NEK6: variants seen among roughly 807,000 people sequenced by gnomAD.
NEK6 encodes the protein NIMA related kinase 6.
NEK6 carries 27 observed loss-of-function variants against 43.5 expected under a neutral mutation model. The observed-to-expected ratio is 0.62, with a 90% CI of 0.46 to 0.86. The LOEUF (loss-of-function observed/expected upper bound fraction) is 0.86, where lower values mean the gene tolerates loss of function less well. Among genes scored for constraint, NEK6 ranks in the 40% least tolerant of loss-of-function variants. The probability of loss-of-function intolerance (pLI) is 0.00; values close to 1 mark genes in which losing one functional copy is unlikely to be tolerated. For missense variants in NEK6, 318 were observed against 414.4 expected (o/e 0.77, Z 2.02); for synonymous variants, 167 against 164.1 (o/e 1.02, Z -0.14).
chr9:124,346,519 A>G (rs1251539771), intron 8 of NEK6, among the ~76,000 whole-genome samples: 1 of 151,848 alleles, frequency 6.6e-6, no homozygotes, highest in Non-Finnish European at 1.5e-5. Context: ...CCGGGGGGGA[A>G]CCGGGGCCAG....
At chr9:124,265,133 C>T (rs34011920) in intron 1 of NEK6, among the ~76,000 whole-genome samples, 37,571 of 152,108 alleles carry the variant, frequency 0.25, 5,568 homozygotes, top group South Asian at 0.34. Flanking sequence ...GTTTTGGAAC[C>T]GGATGAAGGT....
chr9:124,264,036 A>C (rs1307250871), intron 1 of NEK6, among the ~76,000 whole-genome samples: 1 of 152,348 alleles, frequency 6.6e-6, no homozygotes, highest in East Asian at 1.9e-4. Context: ...CGGCTGTCAC[A>C]GGCCTGGCCG....
At chr9:124,297,856 C>G (rs1832769216) in intron 1 of NEK6, among the ~76,000 whole-genome samples, 1 of 152,228 alleles carries the variant, frequency 6.6e-6, no homozygotes, top group Non-Finnish European at 1.5e-5. Flanking sequence ...TTCCACGTCC[C>G]CTTTGCCTTG....
At chr9:124,310,014 T>C (rs895808660) in intron 2 of NEK6, among the ~76,000 whole-genome samples, 1 of 152,036 alleles carries the variant, frequency 6.6e-6, no homozygotes, top group East Asian at 1.9e-4. Context: ...ACTGAAAGAA[T>C]GGAGGCTGGA....
rs180751884 is a variant in NEK6, at chr9:124,349,736, G to C, written c.832-1101G>C. On this transcript the variant is annotated intron_variant, in intron 9 of 9. Transcript: ENST00000320246. Reference sequence around the variant, plus strand: ...TTCTTGGGTATTTTAACCTGTCAGAGGCCAACCACAGGTACCTTCCCCCGA... The same window carrying C: ...TTCTTGGGTATTTTAACCTGTCAGACGCCAACCACAGGTACCTTCCCCCGA... Among the ~76,000 whole-genome samples, 6 of 152,312 alleles carry C rather than the reference G, an allele frequency of 3.9e-5. No individual in the cohort carries two copies. In the East Asian group the frequency reaches 7.7e-4, roughly 20 times the overall value.
At chr9:124,350,738 GCT>G in intron 9 of NEK6, 97 bp from the exon 10 acceptor site, 3 of 813,748 alleles carry the variant, frequency 3.7e-6, no homozygotes, top group Non-Finnish European at 6.2e-6. Flanking sequence ...CCATCTAGTT[GCT>G]CTGAGGATGA....
chr9:124,307,206 G>A (rs959585048), intron 2 of NEK6, among the ~76,000 whole-genome samples: 4 of 152,082 alleles, frequency 2.6e-5, no homozygotes, highest in African/African-American at 9.7e-5. Flanking sequence ...CGCAGGGTGG[G>A]GGGTGTTTGT....
intron 2 of NEK6, among the ~76,000 whole-genome samples, chr9:124,307,424 G>A (rs1392745435): frequency 6.6e-6 from 1 of 152,194 alleles, no homozygotes; most frequent in Non-Finnish European, 1.5e-5. Flanking sequence ...ATTGGCTCCT[G>A]CTCACCAGTT....
rs995802405 is a variant in NEK6, at chr9:124,257,993, C to T, written c.-122C>T. On this transcript the variant is annotated 5_prime_UTR_variant, in exon 1 of 10. Coordinates refer to ENST00000320246, the MANE Select transcript of NEK6 (RefSeq NM_014397.6). ...AACCGAGCTGACGGGCGTGCGGCCG[C>T]TGCGCCGCAAACTCGTGTGGGACGC... 1.5e-5 allele frequency: 15 copies of T among 978,714 alleles called. No individual in the cohort carries two copies. Among genetic ancestry groups the T allele is most frequent in the Admixed American group, 1.3e-4 (2 of 15,676 alleles). 60.6% of individuals were successfully genotyped at this position (978,714 alleles called of 1,614,324 possible).
At chr9:124,319,982 C>T (rs1267967782) in intron 4 of NEK6, among the ~76,000 whole-genome samples, 1 of 152,226 alleles carries the variant, frequency 6.6e-6, no homozygotes, top group Non-Finnish European at 1.5e-5. Flanking sequence ...AAGGTTCTTC[C>T]ACAGGGGAGC....
chr9:124,350,182 A>G (rs961063976), intron 9 of NEK6, among the ~76,000 whole-genome samples: 1 of 152,178 alleles, frequency 6.6e-6, no homozygotes, highest in Non-Finnish European at 1.5e-5. Flanking sequence ...TTAAATGGAA[A>G]CCAATGGCTG....
Position 124,324,040 on chromosome 9 carries a change from C to A in NEK6, c.406-2290C>A, listed in dbSNP as rs137926408. Among the ~76,000 whole-genome samples the A allele has an allele frequency of 2.5e-3, 387 of 152,276 alleles. 1 individual carries two copies. Among genetic ancestry groups the A allele is most frequent in the African/African-American group, 8.7e-3 (363 of 41,566 alleles). ...TCCCACAGTCCCCACCTCTCTCCCC[C>A]CACTGTCCCTGCCTGCTCCCGTTCC... On this transcript the variant is annotated intron_variant, in intron 5 of 9. Transcript: ENST00000320246. This position sits in a 1 kb window ranked among gnomAD's most constrained non-coding sequence, Gnocchi z 5.3.
intron 9 of NEK6, among the ~76,000 whole-genome samples, chr9:124,349,970 C>T (rs1830162769): frequency 6.6e-6 from 1 of 152,228 alleles, no homozygotes; most frequent in African/African-American, 2.4e-5. Context: ...AGCCCAGGCC[C>T]CATCCCTCAG....
chr9:124,290,432 G>A (rs1314771530), intron 1 of NEK6, among the ~76,000 whole-genome samples: 2 of 152,256 alleles, frequency 1.3e-5, no homozygotes, highest in African/African-American at 4.8e-5. Context: ...GGGGCCGGCT[G>A]GTGGGAAGGT....
intron 2 of NEK6, among the ~76,000 whole-genome samples, chr9:124,307,779 G>T (rs115486800): frequency 6.6e-6 from 1 of 152,150 alleles, no homozygotes; most frequent in African/African-American, 2.4e-5. Flanking sequence ...TGACAAAGTC[G>T]CAAGGTTGTG....
At chr9:124,320,619 C>A (rs1834018735) in intron 4 of NEK6, among the ~76,000 whole-genome samples, 1 of 152,200 alleles carries the variant, frequency 6.6e-6, no homozygotes, top group African/African-American at 2.4e-5. Flanking sequence ...TTGTTATGAA[C>A]AGATGCCAGG....
rs921753404 is a variant in NEK6, at chr9:124,310,044, G to A, written c.91-2465G>A. 4.6e-5 allele frequency among the ~76,000 whole-genome samples: 7 copies of A among 152,316 alleles called. No homozygotes were observed. The East Asian group carries it at 1.4e-3, about 29-fold the overall frequency. ...GCTGGAGCAGGAAGTGGCAGGCCTG[G>A]CCGGTCAGGGGGTCTTGAGTGAAAA... On this transcript the variant is annotated intron_variant, in intron 2 of 9. Coordinates refer to ENST00000320246, the MANE Select transcript of NEK6 (RefSeq NM_014397.6).
At chr9:124,299,955 C>G (rs1423971126) in intron 1 of NEK6, 1 of 152,170 alleles carries the variant, frequency 6.6e-6, no homozygotes, top group Non-Finnish European at 1.5e-5. Context: ...CCATACCATC[C>G]ACTTCCCTGC....
intron 1 of NEK6, among the ~76,000 whole-genome samples, chr9:124,276,588 G>A (rs1022071127): frequency 6.6e-6 from 1 of 152,240 alleles, no homozygotes; most frequent in Non-Finnish European, 1.5e-5. Flanking sequence ...TGTGTGGCTG[G>A]AGTGTGTGCA....
Sources: gnomAD v4.1 joint callset for allele counts (sites outside exome capture counted in the v4.1 genomes callset) on GRCh38, gnomAD v4.1.1 for gene constraint, Gnocchi (gnomAD v3.1) non-coding constraint, MANE v1.5 for transcripts, NCBI Gene and HGNC (gene_info 2026-07-23, HGNC 2026-07-21) for gene names.